The following RBFOX1 variants were observed in gnomAD, a reference collection of about 807,000 sequenced individuals.
RBFOX1 encodes the protein RNA binding protein fox-1 homolog 1.
In RBFOX1, 8 loss-of-function variants were observed where a neutral mutation model predicts 57.7. The observed-to-expected ratio is 0.14, with a 90% CI of 0.08 to 0.25. The LOEUF is 0.25. Among genes scored for constraint, RBFOX1 ranks in the 10% least tolerant of loss-of-function variants. The pLI, the probability that RBFOX1 is intolerant of heterozygous loss-of-function variation, is 1.00. For missense variants in RBFOX1, 611 were observed against 548.5 expected, an observed-to-expected ratio of 1.11 and a Z score of -1.14; for synonymous variants, 326 against 222.4, an observed-to-expected ratio of 1.47 and a Z score of -4.15.
chr16:7,523,646 G>A (rs774630292), intron 5 of RBFOX1, among the ~76,000 whole-genome samples: 5 of 152,212 alleles, frequency 3.3e-5, no homozygotes, highest in Non-Finnish European at 5.9e-5. Flanking sequence ...ATTAGGGGCT[G>A]AAGCAGGTGG....
At chr16:5,407,480 G>T (rs1463131835) in intron 1 of RBFOX1, among the ~76,000 whole-genome samples, 1 of 152,160 alleles carries the variant, frequency 6.6e-6, no homozygotes, top group African/African-American at 2.4e-5. Context: ...CTTGTGGACG[G>T]AGTGTGGAGT....
chr16:7,709,206 G>A, intron 15 of RBFOX1, 75 bp downstream of exon 15: 1 of 1,349,660 alleles, frequency 7.4e-7, no homozygotes, highest in Non-Finnish European at 1.0e-6. Context: ...CTCAGTACGG[G>A]TTGACGTCCT....
chr16:6,541,771 C>T (rs2096823267), intron 2 of RBFOX1, among the ~76,000 whole-genome samples: 1 of 152,044 alleles, frequency 6.6e-6, no homozygotes, highest in South Asian at 2.1e-4. Context: ...GGATACTGGA[C>T]ATAAATATGA....
At chr16:5,719,130 A>G (rs981044617) in intron 3 of RBFOX1, among the ~76,000 whole-genome samples, 1 of 152,090 alleles carries the variant, frequency 6.6e-6, no homozygotes, top group Non-Finnish European at 1.5e-5. Flanking sequence ...TTATCCATTA[A>G]ACGCATATAA....
chr16:6,460,680 C>T (rs536334846), intron 2 of RBFOX1, among the ~76,000 whole-genome samples: 1 of 152,290 alleles, frequency 6.6e-6, no homozygotes, highest in South Asian at 2.1e-4. Context: ...TTGTGGAAGA[C>T]AGTGTGGTGA....
chr16:7,009,579 C>G (rs150500198), intron 3 of RBFOX1, among the ~76,000 whole-genome samples: 1 of 152,160 alleles, frequency 6.6e-6, no homozygotes, highest in African/African-American at 2.4e-5. Context: ...GCAGCAGTAA[C>G]GATGCCACAT....
chr16:5,255,328 C>G (rs1413167875), intron 1 of RBFOX1, among the ~76,000 whole-genome samples: 4 of 117,434 alleles, frequency 3.4e-5, no homozygotes, highest in African/African-American at 1.4e-4. Flanking sequence ...TTCCTTCCAT[C>G]CATCCATCCA....
chr16:7,636,305 TGTTTTA>T (rs1344696506), intron 11 of RBFOX1, among the ~76,000 whole-genome samples: 1 of 152,248 alleles, frequency 6.6e-6, no homozygotes, highest in East Asian at 1.9e-4. Context: ...CATCTCAATT[TGTTTTA>T]GTTTGTCTCT....
intron 1 of RBFOX1, among the ~76,000 whole-genome samples, chr16:5,436,789 G>A (rs2067931493): frequency 6.6e-6 from 1 of 151,958 alleles, no homozygotes; most frequent in Non-Finnish European, 1.5e-5. Context: ...AGCGAGCTGA[G>A]ATTGTGCCAT....
intron 2 of RBFOX1, among the ~76,000 whole-genome samples, chr16:5,533,674 A>C (rs1339857391): frequency 6.6e-6 from 1 of 152,126 alleles, no homozygotes; most frequent in African/African-American, 2.4e-5. Flanking sequence ...CAAGGATCCT[A>C]ATTCTGGGAA....
chr16:5,271,574 C>T (rs557309418), intron 1 of RBFOX1, among the ~76,000 whole-genome samples: 15 of 75,086 alleles, frequency 2.0e-4, no homozygotes, highest in East Asian at 1.1e-3. Context: ...GACCTGACTG[C>T]GCGTTAGGTA....
At chr16:5,776,016 A>T (rs1264991041) in intron 3 of RBFOX1, among the ~76,000 whole-genome samples, 1 of 151,650 alleles carries the variant, frequency 6.6e-6, no homozygotes, top group African/African-American at 2.4e-5. Flanking sequence ...CAGGGCAAAG[A>T]GCTCTTCAAG....
intron 3 of RBFOX1, among the ~76,000 whole-genome samples, chr16:6,792,616 C>A (rs949502017): frequency 6.6e-6 from 1 of 152,186 alleles, no homozygotes; most frequent in East Asian, 1.9e-4. Context: ...TGCAAAAAGC[C>A]TTCATGTAAC....
intron 3 of RBFOX1, among the ~76,000 whole-genome samples, chr16:6,940,705 C>G (rs1221296303): frequency 6.6e-6 from 1 of 151,988 alleles, no homozygotes. Context: ...TCACGCCATT[C>G]TCCTGCCTCA....
chr16:7,572,315 T>C (rs897358725), intron 5 of RBFOX1, among the ~76,000 whole-genome samples: 3 of 152,186 alleles, frequency 2.0e-5, no homozygotes. Flanking sequence ...TGAGCAGACT[T>C]GCAGGTCGCT....
At chr16:5,977,118 G>A (rs1257179402) in intron 4 of RBFOX1, among the ~76,000 whole-genome samples, 1 of 152,102 alleles carries the variant, frequency 6.6e-6, no homozygotes, top group East Asian at 1.9e-4. Flanking sequence ...TAATTTTCTA[G>A]TAAGCTAAAT....
At chr16:6,923,604 G>C (rs2074958428) in intron 3 of RBFOX1, among the ~76,000 whole-genome samples, 1 of 152,122 alleles carries the variant, frequency 6.6e-6, no homozygotes, top group Non-Finnish European at 1.5e-5. Flanking sequence ...AGAGAGCAGG[G>C]TGGAATGGGA....
chr16:6,278,567 G>C (rs922249803), intron 1 of RBFOX1, among the ~76,000 whole-genome samples: 1 of 151,764 alleles, frequency 6.6e-6, no homozygotes, highest in Non-Finnish European at 1.5e-5. Flanking sequence ...CCTTATCTCT[G>C]AATTTCTCTT....
chr16:7,467,972 T>G (rs559128345), intron 4 of RBFOX1, among the ~76,000 whole-genome samples: 2 of 152,340 alleles, frequency 1.3e-5, no homozygotes, highest in African/African-American at 4.8e-5. Flanking sequence ...GGGAAAACCT[T>G]TAGCTGAATC....
Sources: allele counts gnomAD v4.1 joint callset (sites outside exome capture counted in the v4.1 genomes callset), GRCh38; gene constraint gnomAD v4.1.1; transcripts MANE v1.5; gene names NCBI Gene and HGNC (gene_info 2026-07-23, HGNC 2026-07-21).